The following PDE1C variants were observed in gnomAD, a reference collection of about 807,000 sequenced individuals.
PDE1C encodes the protein phosphodiesterase 1C.
Under a neutral mutation model 93.1 loss-of-function variants are expected in PDE1C, and 62 were observed. That is an observed-to-expected ratio of 0.67 (90% CI 0.54 to 0.82). The LOEUF (loss-of-function observed/expected upper bound fraction) is 0.82. PDE1C is among the 40% of genes least tolerant of loss of function. The pLI is 0.00. For synonymous variants in PDE1C, 325 were observed against 310.1 expected, an observed-to-expected ratio of 1.05 and a Z score of -0.50; for missense variants, 742 against 884.6, an observed-to-expected ratio of 0.84 and a Z score of 2.04.
chr7:31,801,869 C>A (rs542965890), intron 16 of PDE1C, among the ~76,000 whole-genome samples: 1 of 151,082 alleles, frequency 6.6e-6, no homozygotes, highest in African/African-American at 2.4e-5. Context: ...TGTTTGTGTC[C>A]TTTTTTGATT....
At chr7:31,749,796 A>G (rs1229862215), downstream of PDE1C, among the ~76,000 whole-genome samples, 4 of 139,102 alleles carry the variant, frequency 2.9e-5, no homozygotes, top group African/African-American at 1.1e-4. Flanking sequence ...GGAGTGCAGT[A>G]GCACCATCTT....
chr7:31,766,149 C>G (rs1438203428), intron 17 of PDE1C, among the ~76,000 whole-genome samples: 2 of 152,132 alleles, frequency 1.3e-5, no homozygotes, highest in African/African-American at 4.8e-5. Context: ...CTTTGGGAGG[C>G]TGAGGCAGGC....
intron 2 of PDE1C, among the ~76,000 whole-genome samples, chr7:31,965,997 C>A (rs1015560939): frequency 1.3e-5 from 2 of 152,146 alleles, no homozygotes; most frequent in African/African-American, 4.8e-5. Context: ...CCAGCCACTG[C>A]AAAAACATGC....
At chr7:32,127,620 A>G (rs992038922) in intron 3 of PDE1C, among the ~76,000 whole-genome samples, 3 of 152,118 alleles carry the variant, frequency 2.0e-5, no homozygotes, top group Non-Finnish European at 2.9e-5. Flanking sequence ...ACTTTCTCAT[A>G]TATCAACAAT....
downstream of PDE1C, among the ~76,000 whole-genome samples, chr7:31,748,384 G>C (rs1326018938): frequency 6.6e-6 from 1 of 152,188 alleles, no homozygotes; most frequent in Non-Finnish European, 1.5e-5. Context: ...ATATCTAGAC[G>C]AGATGGTTCT....
At chr7:32,108,818 G>A (rs1798488733) in intron 3 of PDE1C, among the ~76,000 whole-genome samples, 1 of 152,206 alleles carries the variant, frequency 6.6e-6, no homozygotes, top group Non-Finnish European at 1.5e-5. Flanking sequence ...ACCCAGGCAG[G>A]CAAGCAGTGC....
chr7:31,673,572 T>G, the PDE1C span, among the ~76,000 whole-genome samples: 2 of 152,222 alleles, frequency 1.3e-5, no homozygotes, highest in African/African-American at 2.4e-5. Flanking sequence ...ATCATTTTTA[T>G]GACCTCTATT....
intron 2 of PDE1C, among the ~76,000 whole-genome samples, chr7:31,919,841 G>C (rs892467279): frequency 6.6e-6 from 1 of 152,148 alleles, no homozygotes; most frequent in Admixed American, 6.5e-5. Context: ...TGACATCTGG[G>C]CATCCACGCC....
the PDE1C span, among the ~76,000 whole-genome samples, chr7:31,636,159 A>G: frequency 6.6e-6 from 1 of 152,106 alleles, no homozygotes; most frequent in African/African-American, 2.4e-5. Context: ...AACCGCCCCC[A>G]TAATTCAATT....
At chr7:31,643,382 C>T in the PDE1C span, 3 of 1,613,866 alleles carry the variant, frequency 1.9e-6, no homozygotes, top group Non-Finnish European at 2.5e-6. Flanking sequence ...CATAAACTGC[C>T]TGGAGATCCT....
At chr7:32,047,471 T>C (rs1367907247) in intron 2 of PDE1C, among the ~76,000 whole-genome samples, 1 of 152,302 alleles carries the variant, frequency 6.6e-6, no homozygotes, top group Non-Finnish European at 1.5e-5. Context: ...CTACTACCTA[T>C]TGATTCCCTT....
intron 1 of PDE1C, among the ~76,000 whole-genome samples, chr7:32,221,499 C>T (rs1291607056): frequency 6.6e-6 from 1 of 152,162 alleles, no homozygotes; most frequent in African/African-American, 2.4e-5. Context: ...TGTTAAACTG[C>T]AGATTCATTT....
At chr7:31,630,247 A>AC in the PDE1C span, among the ~76,000 whole-genome samples, 1 of 150,756 alleles carries the variant, frequency 6.6e-6, no homozygotes, top group Non-Finnish European at 1.5e-5. Context: ...TACTTGGCAA[A>AC]AAAAAAAAAA....
intron 1 of PDE1C, among the ~76,000 whole-genome samples, chr7:32,053,314 C>A (rs116005176): frequency 0.011 from 1,678 of 152,324 alleles, 34 homozygotes; most frequent in African/African-American, 0.039. Context: ...TCCCCAAAAG[C>A]TATGATGCAT....
intron 1 of PDE1C, among the ~76,000 whole-genome samples, chr7:32,217,097 G>A (rs1806490085): frequency 6.6e-6 from 1 of 152,214 alleles, no homozygotes; most frequent in Non-Finnish European, 1.5e-5. Context: ...GACAAAGGGA[G>A]GAGCTTCATT....
intron 2 of PDE1C, among the ~76,000 whole-genome samples, chr7:31,968,406 T>G (rs941908806): frequency 6.6e-6 from 1 of 151,870 alleles, no homozygotes; most frequent in Non-Finnish European, 1.5e-5. Context: ...TTACAAGGGA[T>G]GTGAAGGACC....
the PDE1C span, chr7:31,696,938 T>C: frequency 3.1e-6 from 5 of 1,610,138 alleles, no homozygotes; most frequent in South Asian, 5.5e-5. Flanking sequence ...TGATCCTGTT[T>C]CTCTCTGTGT....
chr7:32,164,991 C>G (rs1355013648), intron 3 of PDE1C, among the ~76,000 whole-genome samples: 1 of 152,194 alleles, frequency 6.6e-6, no homozygotes, highest in Non-Finnish European at 1.5e-5. Context: ...AAGAGGCACC[C>G]AAGGTGAGTT....
At chr7:31,630,407 T>A in the PDE1C span, among the ~76,000 whole-genome samples, 6 of 152,292 alleles carry the variant, frequency 3.9e-5, no homozygotes, top group South Asian at 1.0e-3. Flanking sequence ...CCTACTTAAA[T>A]GTGAAGTTAT....
Sources: gnomAD v4.1 joint callset for allele counts (sites outside exome capture counted in the v4.1 genomes callset) on GRCh38, gnomAD v4.1.1 for gene constraint, MANE v1.5 for transcripts, NCBI Gene and HGNC (gene_info 2026-07-23, HGNC 2026-07-21) for gene names.